Variants in OSER1 observed in about 807,000 individuals in gnomAD.
OSER1 encodes the protein oxidative stress responsive serine rich 1.
In OSER1, 15 loss-of-function variants were observed where a neutral mutation model predicts 26.3. The observed-to-expected ratio is 0.57, with a 90% confidence interval of 0.38 to 0.88. The LOEUF (loss-of-function observed/expected upper bound fraction) is 0.88, where lower values mean the gene tolerates loss of function less well. Among genes scored for constraint, OSER1 ranks in the 40% least tolerant of loss-of-function variants. The probability of loss-of-function intolerance (pLI) is 0.00; values close to 1 mark genes in which losing one functional copy is unlikely to be tolerated. For missense variants in OSER1, 313 were observed against 353.9 expected, an observed-to-expected ratio of 0.88 and a Z score of 0.93; for synonymous variants, 127 against 128.2, an observed-to-expected ratio of 0.99 and a Z score of 0.07.
chr20:44,208,442 C>T (rs1205052211), intron 1 of OSER1, among the ~76,000 whole-genome samples: 1 of 121,186 alleles, frequency 8.3e-6, no homozygotes. Flanking sequence ...AAAAAAAATT[C>T]AGCCAGCCTG....
intron 2 of OSER1, among the ~76,000 whole-genome samples, chr20:44,203,694 T>TCA (rs139060435): frequency 0.21 from 30,144 of 145,106 alleles, 3,386 homozygotes; most frequent in Non-Finnish European, 0.27. Context: ...CAGACTTTTT[T>TCA]CACACACACA....
In OSER1 at chr20:44,195,978, A is replaced by G. The variant is rs1252792318; in HGVS notation, c.*1074T>C. On this transcript the variant is annotated 3_prime_UTR_variant, in exon 4 of 4. Coordinates refer to ENST00000255174, the MANE Select transcript of OSER1 (RefSeq NM_016470.8). ...ATAAATGTATTTTGTAATTTAAACAAAAGCTTCTGTTAACATTATTGCTAA... is the reference window on the plus strand; with the variant it reads ...ATAAATGTATTTTGTAATTTAAACAGAAGCTTCTGTTAACATTATTGCTAA... 6.6e-6 allele frequency among the ~76,000 whole-genome samples: 1 copy of G among 152,246 alleles called. No individual in the cohort carries two copies. Among genetic ancestry groups the G allele is most frequent in the African/African-American group, 2.4e-5 (1 of 41,458 alleles).
At chr20:44,203,630 T>C (rs2145929901) in intron 2 of OSER1, among the ~76,000 whole-genome samples, 1 of 151,108 alleles carries the variant, frequency 6.6e-6, no homozygotes, top group African/African-American at 2.4e-5. Context: ...AACAGAATCA[T>C]CCATACCTCA....
intron 3 of OSER1, 127 bp from the exon 4 acceptor site, chr20:44,197,866 G>A (rs973792246): frequency 1.3e-5 from 8 of 618,226 alleles, no homozygotes; most frequent in Non-Finnish European, 2.2e-5. Context: ...TTTCCTGCAA[G>A]AGATGCACCT....
chr20:44,198,866 C>T (rs1001129704), intron 3 of OSER1, among the ~76,000 whole-genome samples: 1 of 152,192 alleles, frequency 6.6e-6, no homozygotes, highest in African/African-American at 2.4e-5. Flanking sequence ...ATAAGTTTTA[C>T]ATTGCGCCCC....
upstream of OSER1, chr20:44,211,107 AG>A (rs1180881427): frequency 1.3e-5 from 2 of 152,348 alleles, no homozygotes; most frequent in Non-Finnish European, 2.9e-5. Context: ...TCTTCACAGT[AG>A]TCCTCTGCCT....
At chr20:44,204,888 A>G (rs994564886) in intron 2 of OSER1, among the ~76,000 whole-genome samples, 1 of 151,344 alleles carries the variant, frequency 6.6e-6, no homozygotes, top group Non-Finnish European at 1.5e-5. Context: ...CGCAGGCCGG[A>G]GTGCAGTGGC....
intron 3 of OSER1, among the ~76,000 whole-genome samples, chr20:44,201,213 A>T (rs1270925634): frequency 6.6e-6 from 1 of 152,228 alleles, no homozygotes; most frequent in African/African-American, 2.4e-5. Flanking sequence ...AGTACTCTAG[A>T]GATGGTTTAA....
chr20:44,203,497 AT>A (rs1439051864), intron 2 of OSER1, among the ~76,000 whole-genome samples: 1 of 152,242 alleles, frequency 6.6e-6, no homozygotes, highest in Non-Finnish European at 1.5e-5. Context: ...TTTTAGAAAA[AT>A]ATTCTAACTT....
chr20:44,207,222 CA>C, intron 1 of OSER1: 2 of 273,134 alleles, frequency 7.3e-6, no homozygotes, highest in Non-Finnish European at 1.4e-5. Context: ...TACTTGATGC[CA>C]AAATCCTATT....
At chr20:44,206,830 T>G in intron 2 of OSER1, 51 bp downstream of exon 2, 2 of 798,988 alleles carry the variant, frequency 2.5e-6, no homozygotes, top group East Asian at 2.7e-5. Flanking sequence ...AAGGGACTAT[T>G]TAAAATAAGT....
chr20:44,209,852 T>C (rs1319506629), intron 1 of OSER1, among the ~76,000 whole-genome samples: 1 of 152,138 alleles, frequency 6.6e-6, no homozygotes, highest in South Asian at 2.1e-4. Flanking sequence ...CAAGAAGGGA[T>C]GCGCGGGTAA....
In OSER1 at chr20:44,197,306, A is replaced by C; in HGVS notation, c.625T>G (p.Trp209Gly). ...AAGGAATACACTTCCATATCATGCC[A>C]TCTCTTACACTGGCATTCCTTGCCT... Reference protein sequence around the residue: ...CIGKECQCKRWHDMEVYSFSG... With the variant: ...CIGKECQCKRGHDMEVYSFSG... The change falls in exon 4 of 4, where the codon TGG becomes GGG. Residue 209 changes from tryptophan (W) to glycine (G), a missense_variant. This residue lies in a region of OSER1 where 300 missense variants were observed against 318.3 expected (regional missense o/e 0.94). Coordinates refer to ENST00000255174, the MANE Select transcript of OSER1 (RefSeq NM_016470.8). The C allele has an allele frequency of 6.2e-7, 1 of 1,614,236 alleles. No homozygotes were observed. Among genetic ancestry groups the C allele is most frequent in the Non-Finnish European group, 8.5e-7 (1 of 1,180,012 alleles).
In OSER1 at chr20:44,197,196, A is replaced by C; in HGVS notation, c.735T>G (p.Thr245=). 6.2e-7 allele frequency: 1 copy of C among 1,614,116 alleles called. No homozygotes were observed. Among genetic ancestry groups the C allele is most frequent in the Non-Finnish European group, 8.5e-7 (1 of 1,179,910 alleles). The change falls in exon 4 of 4, where the codon ACT becomes ACG. Residue 245 remains threonine (T), a synonymous_variant. Coordinates refer to ENST00000255174, the MANE Select transcript of OSER1 (RefSeq NM_016470.8). The part of the protein sequence containing the change: ...EDYSQSLHAR[T]LSGSPRSCSE... ...AACAGGATCGGGGAGAGCCAGACAG[A>C]GTTCTGGCGTGCAGCGACTGAGAGT... is the stretch of plus-strand genomic sequence containing the variant.
Position 44,196,405 on chromosome 20 carries a change from G to C in OSER1, c.*647C>G, listed in dbSNP as rs1416272912. ...CTCCAACTGAAGCAGCCCATTCCAA[G>C]CTGCTTACTTGAAACTGCATGTAAC... is the stretch of plus-strand genomic sequence containing the variant. On this transcript the variant is annotated 3_prime_UTR_variant, in exon 4 of 4. Transcript: ENST00000255174. The C allele has an allele frequency of 1.3e-5, 2 of 151,884 alleles. No homozygotes were observed. Among genetic ancestry groups the C allele is most frequent in the African/African-American group, 4.8e-5 (2 of 41,330 alleles). 9.4% of individuals were successfully genotyped at this position (151,884 alleles called of 1,614,324 possible). A position where few individuals can be genotyped will look rare whatever the true frequency, so the allele number is the denominator to read the frequency against.
Position 44,197,820 on chromosome 20 carries a change from T to G in OSER1, c.192-81A>C, listed in dbSNP as rs918662741. On this transcript the variant is annotated intron_variant, in intron 3 of 3. Transcript: ENST00000255174. ...AGATTCTTTATGACAGTAGGAAATT[T>G]ACCTTCCCTCAGCTTTATGAGTCTA... The G allele has an allele frequency of 6.7e-6, 6 of 889,278 alleles. No individual in the cohort carries two copies. In the African/African-American group the frequency reaches 1.0e-4, roughly 15 times the overall value. 55.1% of individuals were successfully genotyped at this position (889,278 alleles called of 1,614,324 possible).
chr20:44,203,028 G>A lies in OSER1; in HGVS notation c.124C>T (p.Pro42Ser). 1 of 1,613,316 alleles carries A rather than the reference G, an allele frequency of 6.2e-7. No homozygotes were observed. The highest frequency in any genetic ancestry group is 1.3e-5 in the African/African-American group (1 of 75,030). ...GTATCATCTGTTGCTGTTCTGACTG[G>A]TGCTCTGACACCTGTGCCTTCTCCA... Reference protein sequence around the residue: ...SVGEGTGVRAPVRTATDDTKP... With the variant: ...SVGEGTGVRASVRTATDDTKP... Residue 42 changes from proline (P) to serine (S), a missense_variant, in exon 3 of 4, where the codon CCA (proline) becomes TCA (serine). Pro to Ser is a moderately conservative substitution (Grantham distance 74, BLOSUM62 -1). Transcript: ENST00000255174.
intron 1 of OSER1, chr20:44,209,941 C>G (rs541816158): frequency 6.6e-6 from 1 of 152,332 alleles, no homozygotes; most frequent in African/African-American, 2.4e-5. Context: ...AAAACCAAAC[C>G]CAGCAACTCT....
Position 44,196,881 on chromosome 20 carries a change from A to T in OSER1, c.*171T>A. 3.4e-6 allele frequency: 2 copies of T among 584,318 alleles called. No homozygotes were observed. The highest frequency in any genetic ancestry group is 2.1e-5 in the South Asian group (1 of 47,022). The allele number at this position is 584,318 out of a possible 1,614,324, so 36.2% of individuals were successfully genotyped here. The stretch of plus-strand genomic sequence containing the variant: ...TGAAGTGTATGTAAGAACTCAAGAG[A>T]GTAAGTTGAAAGAATGAAGATTAAC... On this transcript the variant is annotated 3_prime_UTR_variant, in exon 4 of 4. Transcript: ENST00000255174.
Sources: gnomAD v4.1 joint callset for allele counts (sites outside exome capture counted in the v4.1 genomes callset) on GRCh38, gnomAD v4.1.1 for gene constraint, gnomAD v4.1.1 regional missense constraint, MANE v1.5 for transcripts, NCBI Gene and HGNC (gene_info 2026-07-23, HGNC 2026-07-21) for gene names.